Variants in PSMB2 observed in about 807,000 individuals in gnomAD.
PSMB2 encodes proteasome subunit beta type-2.
PSMB2 carries 13 observed loss-of-function variants against 25.7 expected under a neutral mutation model. That is an observed-to-expected ratio of 0.51 (90% confidence interval 0.33 to 0.80). The LOEUF is 0.80. Among genes scored for constraint, PSMB2 ranks in the 30% least tolerant of loss-of-function variants. The pLI, the probability that PSMB2 is intolerant of heterozygous loss-of-function variation, is 0.02. For synonymous variants in PSMB2, 87 were observed against 96.2 expected, an observed-to-expected ratio of 0.90 and a Z score of 0.56; for missense variants, 202 against 259.0, an observed-to-expected ratio of 0.78 and a Z score of 1.51.
At chr1:35,624,183 A>T (rs1650780116) in intron 3 of PSMB2, among the ~76,000 whole-genome samples, 1 of 152,218 alleles carries the variant, frequency 6.6e-6, no homozygotes, top group African/African-American at 2.4e-5. Context: ...ATAAATAAAT[A>T]AATAAAAATT....
chr1:35,625,844 A>C (rs1650844527), intron 3 of PSMB2, among the ~76,000 whole-genome samples: 1 of 151,846 alleles, frequency 6.6e-6, no homozygotes, highest in Admixed American at 6.6e-5. Flanking sequence ...TGAGAAAGGA[A>C]GCCTTTTTTT....
intron 4 of PSMB2, among the ~76,000 whole-genome samples, chr1:35,608,182 T>C (rs1483543937): frequency 1.3e-5 from 2 of 151,994 alleles, no homozygotes; most frequent in Non-Finnish European, 2.9e-5. Context: ...CTGGCCAACA[T>C]GGTGAAACCC....
At chr1:35,631,475 G>T in intron 2 of PSMB2, 131 bp from the exon 3 acceptor site, 1 of 1,501,840 alleles carries the variant, frequency 6.7e-7, no homozygotes, top group East Asian at 2.5e-5. Flanking sequence ...CATAGACTGA[G>T]GGGTACAATC....
rs1158779638 is a variant in PSMB2 at position 35,601,943 on chromosome 1, T to C, written c.*1324A>G. 1 of 972,162 alleles carries C rather than the reference T, an allele frequency of 1.0e-6. No individual in the cohort carries two copies. Among genetic ancestry groups the C allele is most frequent in the Non-Finnish European group, 1.2e-6 (1 of 817,814 alleles). 60.2% of individuals were successfully genotyped at this position (972,162 alleles called of 1,614,324 possible). A position where few individuals can be genotyped will look rare whatever the true frequency, so the allele number is the denominator to read the frequency against. On this transcript the variant is annotated 3_prime_UTR_variant, in exon 6 of 6. Transcript: ENST00000373237. Reference sequence around the variant, plus strand: ...ATGATACATCAATTTAATGGAAAATTATGCAACTGTCAACAAGAATAAGCA... The same window carrying C: ...ATGATACATCAATTTAATGGAAAATCATGCAACTGTCAACAAGAATAAGCA...
At chr1:35,630,372 A>T (rs1326362166) in intron 3 of PSMB2, among the ~76,000 whole-genome samples, 1 of 152,192 alleles carries the variant, frequency 6.6e-6, no homozygotes, top group Non-Finnish European at 1.5e-5. Context: ...TTATGTTCAA[A>T]CAAAAACCTG....
chr1:35,636,598 A>C (rs940965079), intron 1 of PSMB2, among the ~76,000 whole-genome samples, 166 bp from the exon 2 acceptor site: 1 of 152,090 alleles, frequency 6.6e-6, no homozygotes, highest in Non-Finnish European at 1.5e-5. Context: ...TCAGAAAAAA[A>C]AAAAAATGGA....
intron 2 of PSMB2, among the ~76,000 whole-genome samples, chr1:35,635,923 T>A (rs549020228): frequency 6.6e-6 from 1 of 151,610 alleles, no homozygotes; most frequent in East Asian, 1.9e-4. Flanking sequence ...CCAATTGTTA[T>A]AGGCTGAATT....
intron 3 of PSMB2, 53 bp from the exon 4 acceptor site, chr1:35,609,461 C>T: frequency 2.2e-6 from 3 of 1,344,622 alleles, no homozygotes; most frequent in Non-Finnish European, 2.0e-6. Context: ...ACCAACATCT[C>T]TTCCCATGGC....
At chr1:35,632,042 A>C (rs972167287) in intron 2 of PSMB2, among the ~76,000 whole-genome samples, 1 of 152,142 alleles carries the variant, frequency 6.6e-6, no homozygotes, top group Non-Finnish European at 1.5e-5. Context: ...CAGGAACAAA[A>C]AGGATATTGG....
rs376612340 is a variant in PSMB2, at chr1:35,638,348, G to A, written c.92-1916C>T. On this transcript the variant is annotated intron_variant, in intron 1 of 5. Coordinates refer to ENST00000373237, the MANE Select transcript of PSMB2 (RefSeq NM_002794.5). ...GAGATCCACATACATGAAACAAATG[G>A]CCAACAAAATGAACAACATTAGCAT... Among the ~76,000 whole-genome samples the A allele has an allele frequency of 5.9e-5, 9 of 152,220 alleles. No homozygotes were observed. In the East Asian group the frequency reaches 1.7e-3, roughly 29 times the overall value.
At chr1:35,627,904 C>A (rs569409528) in intron 3 of PSMB2, among the ~76,000 whole-genome samples, 36 of 152,202 alleles carry the variant, frequency 2.4e-4, no homozygotes, top group Admixed American at 5.2e-4. Flanking sequence ...GTCCTCCCAA[C>A]CAAACCACCA....
intron 3 of PSMB2, among the ~76,000 whole-genome samples, chr1:35,623,569 G>A (rs988352297): frequency 6.6e-6 from 1 of 152,214 alleles, no homozygotes; most frequent in African/African-American, 2.4e-5. Flanking sequence ...CTTGCTCCAA[G>A]GCACTGCCAT....
intron 3 of PSMB2, 130 bp from the exon 4 acceptor site, chr1:35,609,538 A>G (rs1650271135): frequency 1.1e-6 from 1 of 882,180 alleles, no homozygotes; most frequent in Admixed American, 3.7e-5. Flanking sequence ...ATCACAATGA[A>G]AGTAAAAATG....
chr1:35,623,545 G>T (rs1345649476), intron 3 of PSMB2, among the ~76,000 whole-genome samples: 1 of 152,236 alleles, frequency 6.6e-6, no homozygotes, highest in Non-Finnish European at 1.5e-5. Context: ...TGGCAGCAGT[G>T]TCAAAGGCTG....
intron 1 of PSMB2, among the ~76,000 whole-genome samples, chr1:35,640,455 C>T (rs1269492173): frequency 6.6e-6 from 1 of 152,170 alleles, no homozygotes; most frequent in African/African-American, 2.4e-5. Flanking sequence ...AATCTCTTAA[C>T]TCCATTAACT....
At position 35,636,401 on chromosome 1, in the gene PSMB2, C is replaced by A. The variant is rs1308649015; in HGVS notation, c.123G>T (p.Lys41Asn). The A allele has an allele frequency of 3.7e-6, 6 of 1,614,020 alleles. No homozygotes were observed. The highest frequency in any genetic ancestry group is 1.7e-4 in the Middle Eastern group (1 of 6,060). The change falls in exon 2 of 6, where the codon AAG becomes AAT. Residue 41 changes from lysine (K) to asparagine (N), a missense_variant. Coordinates refer to ENST00000373237, the MANE Select transcript of PSMB2 (RefSeq NM_002794.5). ...DHDKMFKMSE[K>N]ILLLCVGEAG... The stretch of plus-strand genomic sequence containing the variant: ...CCTCTCCAACACACAGGAGTAATAT[C>A]TTTTCACTCATCTTAAACATCTTGT...
rs534887240 is a variant in PSMB2 at position 35,628,990 on chromosome 1, T to C, written c.285+2284A>G. On this transcript the variant is annotated intron_variant, in intron 3 of 5. Transcript: ENST00000373237. ...CACTACTGAAGAACCAAAGGCAGAA[T>C]AGTCAAATAATTATGGCACCATTAT... Among the ~76,000 whole-genome samples, 25 of 152,254 alleles carry C rather than the reference T, an allele frequency of 1.6e-4. No individual in the cohort carries two copies. In the Middle Eastern group the frequency reaches 0.01, roughly 62 times the overall value.
In PSMB2 at chr1:35,609,234, A is replaced by T. The variant is rs200096325; in HGVS notation, c.448+12T>A. The stretch of plus-strand genomic sequence containing the variant: ...TCTGCCACTGCTCCCTCCCTAGAGT[A>T]TTAATACTTACTCGGTGTGTAGTAT... On this transcript the variant is annotated intron_variant, in intron 4 of 5. Coordinates refer to ENST00000373237, the MANE Select transcript of PSMB2 (RefSeq NM_002794.5). 11 of 1,579,694 alleles carry T rather than the reference A, an allele frequency of 7.0e-6. No homozygotes were observed. Among genetic ancestry groups the T allele is most frequent in the Non-Finnish European group, 7.8e-6 (9 of 1,161,144 alleles).
intron 3 of PSMB2, among the ~76,000 whole-genome samples, chr1:35,620,815 T>A (rs1216957796): frequency 6.6e-6 from 1 of 151,550 alleles, no homozygotes; most frequent in Non-Finnish European, 1.5e-5. Flanking sequence ...CAGACACCTG[T>A]CACCATGCCC....
Sources: gnomAD v4.1 joint callset for allele counts (sites outside exome capture counted in the v4.1 genomes callset) on GRCh38, gnomAD v4.1.1 for gene constraint, MANE v1.5 for transcripts, NCBI Gene and HGNC (gene_info 2026-07-23, HGNC 2026-07-21) for gene names.